Variants in PPP3CB observed in about 807,000 individuals in gnomAD.
PPP3CB encodes the protein protein phosphatase 3 catalytic subunit beta.
Under a neutral mutation model 66.4 loss-of-function variants are expected in PPP3CB, and 8 were observed. The ratio of observed to expected loss-of-function variants is 0.12; its 90% CI spans 0.07 to 0.22. The LOEUF is 0.22. Among genes scored for constraint, PPP3CB ranks in the 10% least tolerant of loss-of-function variants. The pLI is 1.00. For synonymous variants in PPP3CB, 208 were observed against 221.2 expected, an observed-to-expected ratio of 0.94 and a Z score of 0.53; for missense variants, 319 against 642.5, an observed-to-expected ratio of 0.50 and a Z score of 5.44.
At chr10:73,455,577 G>A (rs2056412728) in intron 9 of PPP3CB, among the ~76,000 whole-genome samples, 2 of 152,018 alleles carry the variant, frequency 1.3e-5, no homozygotes, top group African/African-American at 2.4e-5. Context: ...ATTGTCAACT[G>A]TCTTTTTTTT....
intron 1 of PPP3CB, among the ~76,000 whole-genome samples, chr10:73,481,625 TA>T (rs1554825490): frequency 9.4e-5 from 13 of 138,652 alleles, no homozygotes; most frequent in African/African-American, 3.5e-4. Context: ...TTAAAGTAAC[TA>T]AAAAAAAACA....
At chr10:73,488,438 T>C (rs1320255265) in intron 1 of PPP3CB, among the ~76,000 whole-genome samples, 1 of 151,870 alleles carries the variant, frequency 6.6e-6, no homozygotes, top group African/African-American at 2.4e-5. Context: ...TCCCAGCTAC[T>C]TGGGAGGCTG....
intron 10 of PPP3CB, among the ~76,000 whole-genome samples, chr10:73,452,201 C>G (rs2056357911): frequency 1.3e-5 from 2 of 152,092 alleles, no homozygotes; most frequent in Non-Finnish European, 2.9e-5. Flanking sequence ...GCAATAATTA[C>G]TTCAATTATT....
intron 8 of PPP3CB, 21 bp downstream of exon 8, chr10:73,470,662 ATTTT>A (rs757905519): frequency 4.3e-6 from 6 of 1,409,806 alleles, no homozygotes; most frequent in Middle Eastern, 2.2e-4. Context: ...TTGTTTAACA[ATTTT>A]TTTTATCAAC....
At chr10:73,464,060 G>A (rs1159602266) in intron 9 of PPP3CB, among the ~76,000 whole-genome samples, 2 of 152,170 alleles carry the variant, frequency 1.3e-5, no homozygotes, top group Non-Finnish European at 2.9e-5. Context: ...CTCCCGAGTA[G>A]CTGGGATTAC....
intron 9 of PPP3CB, among the ~76,000 whole-genome samples, chr10:73,455,557 G>A (rs574909638): frequency 1.3e-5 from 2 of 152,194 alleles, no homozygotes; most frequent in Admixed American, 1.3e-4. Flanking sequence ...AGATGTCCTT[G>A]GCTAGTTTTA....
Position 73,495,788 on chromosome 10 carries a change from T to C in PPP3CB, c.85+17A>G, listed in dbSNP as rs1589728569. The C allele has an allele frequency of 4.5e-6, 7 of 1,568,398 alleles. No individual in the cohort carries two copies. The East Asian group carries it at 1.8e-4, about 40-fold the overall frequency. ...AGCTCTTCAGGCCAGGCCCCCAGGGTTTCGTCCACCTCTCACCTTTGACGA... is the reference window on the plus strand; with the variant it reads ...AGCTCTTCAGGCCAGGCCCCCAGGGCTTCGTCCACCTCTCACCTTTGACGA... On this transcript the variant is annotated intron_variant, in intron 1 of 13. Coordinates refer to ENST00000360663, the MANE Select transcript of PPP3CB (RefSeq NM_021132.4).
intron 1 of PPP3CB, among the ~76,000 whole-genome samples, chr10:73,491,040 T>TG (rs1319847811): frequency 7.7e-5 from 10 of 129,428 alleles, no homozygotes; most frequent in African/African-American, 1.3e-4. Context: ...TTTTTTTTTT[T>TG]TTTTTTTTTT....
intron 1 of PPP3CB, among the ~76,000 whole-genome samples, chr10:73,491,084 G>A (rs1214743317): frequency 2.2e-5 from 3 of 134,652 alleles, no homozygotes; most frequent in African/African-American, 5.4e-5. Context: ...AGGCTGGAGT[G>A]CAGTGGCATG....
intron 9 of PPP3CB, among the ~76,000 whole-genome samples, chr10:73,464,513 G>C (rs939184785): frequency 1.6e-4 from 24 of 152,132 alleles, no homozygotes; most frequent in Admixed American, 1.3e-3. Flanking sequence ...AAGTGTGAAG[G>C]TTGCAAATTC....
At chr10:73,451,614 A>T (rs1013178639) in intron 10 of PPP3CB, among the ~76,000 whole-genome samples, 1 of 151,930 alleles carries the variant, frequency 6.6e-6, no homozygotes, top group Non-Finnish European at 1.5e-5. Flanking sequence ...GGAAAAACAA[A>T]AGACTTGGCC....
intron 9 of PPP3CB, among the ~76,000 whole-genome samples, chr10:73,456,022 A>G (rs1378675504): frequency 2.6e-5 from 4 of 152,390 alleles, no homozygotes; most frequent in East Asian, 1.9e-4. Context: ...TATCTAACAA[A>G]TAAGTACACA....
chr10:73,439,520 G>C (rs764002701), intron 13 of PPP3CB, among the ~76,000 whole-genome samples: 1 of 152,210 alleles, frequency 6.6e-6, no homozygotes, highest in South Asian at 2.1e-4. Context: ...GCAAAATATG[G>C]AACAGATCTC....
intron 1 of PPP3CB, among the ~76,000 whole-genome samples, chr10:73,482,158 T>C (rs1325612451): frequency 6.6e-6 from 1 of 152,090 alleles, no homozygotes. Flanking sequence ...TAAACACAAA[T>C]TTCTGAGATC....
chr10:73,467,066 T>C (rs1197599536), intron 9 of PPP3CB: 1 of 152,146 alleles, frequency 6.6e-6, no homozygotes, highest in East Asian at 1.9e-4. Flanking sequence ...ATATTTTTTA[T>C]ATAAGAGAAG....
At chr10:73,490,717 ACCATAGTGTT>A (rs1421006855) in intron 1 of PPP3CB, among the ~76,000 whole-genome samples, 1 of 152,114 alleles carries the variant, frequency 6.6e-6, no homozygotes, top group African/African-American at 2.4e-5. Context: ...GTAACTTGTT[ACCATAGTGTT>A]CCCTCTCCCT....
At chr10:73,476,966 T>C (rs943942287) in intron 3 of PPP3CB, among the ~76,000 whole-genome samples, 1 of 152,136 alleles carries the variant, frequency 6.6e-6, no homozygotes, top group Non-Finnish European at 1.5e-5. Context: ...GAGAAGGAGA[T>C]ATAAACAACA....
intron 1 of PPP3CB, among the ~76,000 whole-genome samples, chr10:73,486,894 G>C (rs1024848604): frequency 6.6e-6 from 1 of 152,110 alleles, no homozygotes; most frequent in African/African-American, 2.4e-5. Flanking sequence ...TCATAGGCTG[G>C]GTGCCGTGGC....
At chr10:73,490,999 ATTTT>A (rs2057063917) in intron 1 of PPP3CB, among the ~76,000 whole-genome samples, 1 of 102,332 alleles carries the variant, frequency 9.8e-6, no homozygotes, top group African/African-American at 3.4e-5. Flanking sequence ...CACCCTGCTA[ATTTT>A]TGTTTGTTTG....
Sources: allele counts gnomAD v4.1 joint callset (sites outside exome capture counted in the v4.1 genomes callset), GRCh38; gene constraint gnomAD v4.1.1; transcripts MANE v1.5; gene names NCBI Gene and HGNC (gene_info 2026-07-23, HGNC 2026-07-21).